The following DDX60 variants were observed in gnomAD, a reference collection of about 807,000 sequenced individuals.
DDX60 encodes the protein DExD/H-box helicase 60, also known as probable ATP-dependent RNA helicase DDX60.
Under a neutral mutation model 212.8 loss-of-function variants are expected in DDX60, and 165 were observed. That is an observed-to-expected ratio of 0.78 (90% CI 0.68 to 0.88). The LOEUF (loss-of-function observed/expected upper bound fraction) is 0.88. DDX60 is among the 40% of genes least tolerant of loss of function. DDX60 has a pLI of 0.00. For missense variants in DDX60, 1,905 were observed against 2,003.9 expected, an observed-to-expected ratio of 0.95 and a Z score of 0.94; for synonymous variants, 703 against 685.3, an observed-to-expected ratio of 1.03 and a Z score of -0.40.
rs1733864936 is a variant in DDX60, at chr4:168,242,195, A to C, written c.4164+4223T>G. 2.0e-5 allele frequency among the ~76,000 whole-genome samples: 3 copies of C among 152,328 alleles called. No individual in the cohort carries two copies. The South Asian group carries it at 6.2e-4, about 32-fold the overall frequency. ...GTCCAGGCAGAAGTTTGCTGCAGAG[A>C]TGGGGCCCTCATGGAGAACCTCTGC... On this transcript the variant is annotated intron_variant, in intron 30 of 37. Coordinates refer to ENST00000393743, the MANE Select transcript of DDX60 (RefSeq NM_017631.6).
At chr4:168,309,559 C>T (rs541858287) in intron 3 of DDX60, among the ~76,000 whole-genome samples, 18 of 151,712 alleles carry the variant, frequency 1.2e-4, no homozygotes, top group Middle Eastern at 3.4e-3. Flanking sequence ...GTGGGATTAT[C>T]TAAAAAGGCA....
chr4:168,224,129 AT>A (rs536149477), intron 35 of DDX60, 113 bp downstream of exon 35: 1,987 of 1,049,296 alleles, frequency 1.9e-3, no homozygotes, highest in Non-Finnish European at 2.2e-3. Context: ...ATACACCCAG[AT>A]TTTTTTTTTC....
intron 7 of DDX60, 23 bp from the exon 8 acceptor site, chr4:168,291,929 A>T: frequency 6.3e-7 from 1 of 1,583,002 alleles, no homozygotes; most frequent in Non-Finnish European, 8.6e-7. Flanking sequence ...AAGAAGGTAT[A>T]AGCCAGAGAA....
intron 18 of DDX60, among the ~76,000 whole-genome samples, chr4:168,272,703 C>A (rs954249390): frequency 1.3e-5 from 2 of 152,206 alleles, no homozygotes; most frequent in Non-Finnish European, 2.9e-5. Flanking sequence ...ACTGGGGGAG[C>A]TGATGGCTGG....
chr4:168,253,461 T>C (rs1015710348), intron 26 of DDX60, among the ~76,000 whole-genome samples: 1 of 152,078 alleles, frequency 6.6e-6, no homozygotes, highest in African/African-American at 2.4e-5. Context: ...CCCTGGACAA[T>C]TGCCCTAAAC....
intron 25 of DDX60, among the ~76,000 whole-genome samples, chr4:168,258,590 T>C (rs536746964): frequency 6.6e-6 from 1 of 152,318 alleles, no homozygotes; most frequent in Admixed American, 6.5e-5. Flanking sequence ...CACAGTTTAT[T>C]TTGTAGAGAA....
intron 19 of DDX60, among the ~76,000 whole-genome samples, chr4:168,270,878 T>C (rs1471438606): frequency 6.9e-6 from 1 of 143,986 alleles, no homozygotes. Context: ...TTTCTTTCTT[T>C]TTTTTTTTTT....
chr4:168,258,804 T>C (rs1734513640), intron 25 of DDX60, among the ~76,000 whole-genome samples: 1 of 152,222 alleles, frequency 6.6e-6, no homozygotes, highest in South Asian at 2.1e-4. Context: ...AAGATCACTC[T>C]GATCTTCTTT....
chr4:168,223,628 G>A (rs865838612), intron 35 of DDX60, among the ~76,000 whole-genome samples: 2 of 151,996 alleles, frequency 1.3e-5, no homozygotes, highest in South Asian at 4.1e-4. Flanking sequence ...TTAAATTTAG[G>A]ATAAAAATGT....
At chr4:168,253,454 T>G (rs759651802) in intron 26 of DDX60, among the ~76,000 whole-genome samples, 1 of 152,114 alleles carries the variant, frequency 6.6e-6, no homozygotes, top group East Asian at 1.9e-4. Flanking sequence ...CACCATTCCC[T>G]GGACAATTGC....
rs1736226774 is a variant in DDX60 at position 168,293,936 on chromosome 4, T to C, written c.733A>G (p.Thr245Ala). The C allele has an allele frequency of 1.3e-6, 2 of 1,599,326 alleles. No individual in the cohort carries two copies. Among genetic ancestry groups the C allele is most frequent in the African/African-American group, 2.7e-5 (2 of 74,020 alleles). ...WNNITEEAHK[T>A]VSLLTQVWPE... ...CAGACTTGTGTAAGCAGAGATACAG[T>C]CTTGTGTGCCTGTCAAAGAAAAAAA... Residue 245 changes from threonine (T) to alanine (A), a missense_variant, in exon 7 of 38, where the codon ACT (threonine) becomes GCT (alanine). Transcript: ENST00000393743.
chr4:168,255,573 C>A, intron 26 of DDX60, 138 bp downstream of exon 26: 1 of 667,696 alleles, frequency 1.5e-6, no homozygotes, highest in Non-Finnish European at 2.3e-6. Context: ...ATTCTCTCAC[C>A]CAAATGTACT....
At chr4:168,303,671 T>C (rs941385807) in intron 5 of DDX60, among the ~76,000 whole-genome samples, 1 of 152,166 alleles carries the variant, frequency 6.6e-6, no homozygotes, top group African/African-American at 2.4e-5. Flanking sequence ...ACACACTTAC[T>C]GTGCTGCCAG....
intron 25 of DDX60, among the ~76,000 whole-genome samples, chr4:168,258,433 C>A (rs1335489490): frequency 1.6e-5 from 2 of 125,882 alleles, no homozygotes; most frequent in Non-Finnish European, 3.3e-5. Flanking sequence ...GAATATGCTC[C>A]ATGTATTTTT....
At chr4:168,248,918 T>C (rs1734115730) in intron 28 of DDX60, among the ~76,000 whole-genome samples, 1 of 151,996 alleles carries the variant, frequency 6.6e-6, no homozygotes, top group African/African-American at 2.4e-5. Flanking sequence ...CACCACTACA[T>C]TCGGCTAATT....
intron 34 of DDX60, among the ~76,000 whole-genome samples, chr4:168,225,228 G>C (rs1194809643): frequency 3.3e-5 from 5 of 152,012 alleles, no homozygotes; most frequent in East Asian, 3.9e-4. Context: ...CCTCTCAAGA[G>C]AGAGTGACAG....
chr4:168,288,887 A>C (rs974617415), intron 8 of DDX60, among the ~76,000 whole-genome samples: 1 of 152,158 alleles, frequency 6.6e-6, no homozygotes, highest in African/African-American at 2.4e-5. Flanking sequence ...AAATGTCAAA[A>C]ATTTCTTTTA....
intron 29 of DDX60, among the ~76,000 whole-genome samples, chr4:168,247,169 T>G (rs1040469348): frequency 5.3e-5 from 8 of 152,228 alleles, no homozygotes; most frequent in Non-Finnish European, 1.0e-4. Flanking sequence ...TCTTATTTAT[T>G]AAGTGCTTAG....
chr4:168,275,445 G>A lies in DDX60; in HGVS notation c.2204C>T (p.Pro735Leu). 6.2e-7 allele frequency: 1 copy of A among 1,611,494 alleles called. No homozygotes were observed. The highest frequency in any genetic ancestry group is 8.5e-7 in the Non-Finnish European group (1 of 1,178,832). Residue 735 changes from proline to leucine, a missense_variant, in exon 16 of 38, where the codon CCA becomes CTA. Physicochemically the swap from Pro to Leu is moderately conservative, Grantham distance 98 (BLOSUM62 -3). Transcript: ENST00000393743. ...CATGTATTGCAGTTGGAACCGAGCT[G>A]GCCCAATGCCAACTGAATATTTATT... is the stretch of plus-strand genomic sequence containing the variant. ...KRNKYSVGIG[P>L]ARFQLQYMGH...
Sources: gnomAD v4.1 joint callset for allele counts (sites outside exome capture counted in the v4.1 genomes callset) on GRCh38, gnomAD v4.1.1 for gene constraint, MANE v1.5 for transcripts, NCBI Gene and HGNC (gene_info 2026-07-23, HGNC 2026-07-21) for gene names.